Variants in IKZF1 observed in about 807,000 individuals in gnomAD.
The protein encoded by IKZF1 is IKAROS family zinc finger 1.
In IKZF1, 10 loss-of-function variants were observed where a neutral mutation model predicts 51.7. The ratio of observed to expected loss-of-function variants is 0.19; its 90% CI spans 0.12 to 0.33. The LOEUF (loss-of-function observed/expected upper bound fraction) is 0.33, where lower values mean the gene tolerates loss of function less well. IKZF1 is among the 10% of genes least tolerant of loss of function. The pLI is 1.00. For synonymous variants in IKZF1, 280 were observed against 282.3 expected, an observed-to-expected ratio of 0.99 and a Z score of 0.08; for missense variants, 484 against 707.5, an observed-to-expected ratio of 0.68 and a Z score of 3.58.
At chr7:50,383,306 A>G (rs982676987) in intron 5 of IKZF1, among the ~76,000 whole-genome samples, 2 of 152,170 alleles carry the variant, frequency 1.3e-5, no homozygotes, top group African/African-American at 4.8e-5. Context: ...TAGACAGTTA[A>G]AGTACAACCC....
chr7:50,382,828 C>T, intron 5 of IKZF1, 121 bp downstream of exon 5: 4 of 1,252,808 alleles, frequency 3.2e-6, no homozygotes, highest in East Asian at 2.5e-5. Context: ...GCTCGCAGTC[C>T]TGCATCGGGT....
At chr7:50,395,750 A>T (rs545505966) in intron 7 of IKZF1, among the ~76,000 whole-genome samples, 19 of 152,162 alleles carry the variant, frequency 1.2e-4, no homozygotes, top group East Asian at 7.7e-4. Context: ...CAACTTTTTT[A>T]AAAAAAAGTT....
At chr7:50,368,445 T>C (rs1807661300) in intron 3 of IKZF1, 1 of 611,134 alleles carries the variant, frequency 1.6e-6, no homozygotes, top group Admixed American at 2.8e-5. Flanking sequence ...GGTTTCAAGA[T>C]AATTTTTACA....
intron 3 of IKZF1, among the ~76,000 whole-genome samples, chr7:50,359,426 G>C (rs980165065): frequency 6.6e-6 from 1 of 152,230 alleles, no homozygotes; most frequent in Non-Finnish European, 1.5e-5. Context: ...TCTGCCCACA[G>C]AGCTGGCAGG....
chr7:50,334,675 T>C (rs984453521), intron 3 of IKZF1, among the ~76,000 whole-genome samples: 1 of 148,860 alleles, frequency 6.7e-6, no homozygotes, highest in East Asian at 2.1e-4. Flanking sequence ...TATATGTGTG[T>C]GAGATGTGTA....
intron 3 of IKZF1, chr7:50,368,032 G>A: frequency 1.4e-6 from 1 of 701,690 alleles, no homozygotes; most frequent in Non-Finnish European, 2.6e-6. Flanking sequence ...TGACTTTAGG[G>A]ATTTCCATGC....
intron 2 of IKZF1, among the ~76,000 whole-genome samples, chr7:50,325,207 T>C (rs1794575100): frequency 6.6e-6 from 1 of 151,310 alleles, no homozygotes; most frequent in Non-Finnish European, 1.5e-5. Context: ...CCTATGTGTA[T>C]ATTACAGTTC....
In IKZF1 at chr7:50,376,620, G is replaced by A. The variant is rs1427077431; in HGVS notation, c.248G>A (p.Arg83Gln). ...MNGEECAEDL[R>Q]MLDASGEKMN... is the part of the protein sequence containing the mutation. ...GGGGAAGAATGTGCGGAGGATTTACGAATGCTTGATGCCTCGGGAGAGAAA... is the reference window on the plus strand; with the variant it reads ...GGGGAAGAATGTGCGGAGGATTTACAAATGCTTGATGCCTCGGGAGAGAAA... Residue 83 changes from arginine (R) to glutamine (Q), a missense_variant, in exon 4 of 8, where the codon CGA becomes CAA. Around this residue, in one of 6 missense-constraint regions of IKZF1, gnomAD observed 118 missense variants for 138.4 expected, o/e 0.85. Coordinates refer to ENST00000331340, the MANE Select transcript of IKZF1 (RefSeq NM_006060.6). This position sits in a 1 kb window ranked among gnomAD's most constrained non-coding sequence, Gnocchi z 4.5. 4 of 1,613,884 alleles carry A rather than the reference G, an allele frequency of 2.5e-6. No individual in the cohort carries two copies. Among genetic ancestry groups the A allele is most frequent in the East Asian group, 2.2e-5 (1 of 44,904 alleles).
rs139996609 is a variant in IKZF1, at chr7:50,326,159, G to A, written c.41-1479G>A. Among the ~76,000 whole-genome samples, 1,030 of 152,314 alleles carry A rather than the reference G, an allele frequency of 6.8e-3. 3 individuals carry two copies. The highest frequency in any genetic ancestry group is 0.011 in the Non-Finnish European group (715 of 68,032). ...GATGATTTTACTGGTCTTGCCAGTC[G>A]TCTGAAATGCTGGTATTACTCTTGT... On this transcript the variant is annotated intron_variant, in intron 2 of 7. Coordinates refer to ENST00000331340, the MANE Select transcript of IKZF1 (RefSeq NM_006060.6).
At chr7:50,397,501 G>A (rs1817018762) in intron 7 of IKZF1, among the ~76,000 whole-genome samples, 2 of 152,148 alleles carry the variant, frequency 1.3e-5, no homozygotes, top group Admixed American at 6.5e-5. Flanking sequence ...ACCATGACTT[G>A]GGGAGAGACA....
intron 2 of IKZF1, among the ~76,000 whole-genome samples, chr7:50,323,733 A>C (rs1794063964): frequency 6.6e-6 from 1 of 152,182 alleles, no homozygotes; most frequent in East Asian, 1.9e-4. Flanking sequence ...GTCATTGTAC[A>C]TGTTCTTAGG....
intron 3 of IKZF1, among the ~76,000 whole-genome samples, chr7:50,344,137 G>C (rs939660484): frequency 6.6e-6 from 1 of 152,184 alleles, no homozygotes; most frequent in Non-Finnish European, 1.5e-5. Context: ...TACCAGAATC[G>C]GGATGTGTGG....
At chr7:50,362,161 G>A in intron 3 of IKZF1, among the ~76,000 whole-genome samples, 1 of 151,470 alleles carries the variant, frequency 6.6e-6, no homozygotes, top group African/African-American at 2.4e-5. Context: ...GCTCTGGAAG[G>A]TAGCTCCAAC....
chr7:50,323,459 A>C (rs1437403221), intron 2 of IKZF1, among the ~76,000 whole-genome samples: 1 of 152,240 alleles, frequency 6.6e-6, no homozygotes, highest in African/African-American at 2.4e-5. Flanking sequence ...TTGTTGAGTG[A>C]ATTATAATCT....
intron 1 of IKZF1, among the ~76,000 whole-genome samples, chr7:50,308,285 A>G (rs1379147343): frequency 6.6e-6 from 1 of 152,224 alleles, no homozygotes; most frequent in Non-Finnish European, 1.5e-5. Context: ...GAGGAAGAGC[A>G]ACTGAGGCCT....
At position 50,402,435 on chromosome 7, in the gene IKZF1, G is replaced by A. The variant is rs1356398754; in HGVS notation, c.*1808G>A. The stretch of plus-strand genomic sequence containing the variant: ...ACCCAATAGACGCCAGTAGCACCCC[G>A]AATTGACAACCCAAACTCTCCAGAC... On this transcript the variant is annotated 3_prime_UTR_variant, in exon 8 of 8. Transcript: ENST00000331340. 4.3e-6 allele frequency: 1 copy of A among 231,132 alleles called. No individual in the cohort carries two copies. Among genetic ancestry groups the A allele is most frequent in the African/African-American group, 2.2e-5 (1 of 45,174 alleles). 14.3% of individuals were successfully genotyped at this position (231,132 alleles called of 1,614,324 possible).
chr7:50,319,677 G>T (rs1391939319), intron 2 of IKZF1, among the ~76,000 whole-genome samples: 1 of 152,294 alleles, frequency 6.6e-6, no homozygotes, highest in Admixed American at 6.5e-5. Context: ...CAACAAAACC[G>T]CACAGTTCCC....
At chr7:50,318,300 CTT>C (rs376534699) in intron 1 of IKZF1, 53 of 206,932 alleles carry the variant, frequency 2.6e-4, no homozygotes, top group East Asian at 3.6e-4. Flanking sequence ...TCTTTCTTTT[CTT>C]TTTTTTTTTT....
intron 7 of IKZF1, among the ~76,000 whole-genome samples, chr7:50,399,434 CAT>C (rs1179101769): frequency 6.6e-6 from 1 of 150,784 alleles, no homozygotes; most frequent in Non-Finnish European, 1.5e-5. Context: ...TAACATATCA[CAT>C]ATTTTAAATA....
Sources: gnomAD v4.1 joint callset for allele counts (sites outside exome capture counted in the v4.1 genomes callset) on GRCh38, gnomAD v4.1.1 for gene constraint, gnomAD v4.1.1 regional missense constraint, Gnocchi (gnomAD v3.1) non-coding constraint, MANE v1.5 for transcripts, NCBI Gene and HGNC (gene_info 2026-07-23, HGNC 2026-07-21) for gene names.